IL6R: variants seen among roughly 807,000 people sequenced by gnomAD.
IL6R encodes the protein interleukin 6 receptor, also known as interleukin-6 receptor subunit alpha.
IL6R carries 38 observed loss-of-function variants against 48.3 expected under a neutral mutation model. That is an observed-to-expected ratio of 0.79 (90% CI 0.61 to 1.03). The LOEUF (loss-of-function observed/expected upper bound fraction) is 1.03, where lower values mean the gene tolerates loss of function less well. IL6R is among the 50% of genes least tolerant of loss of function. The probability of loss-of-function intolerance (pLI) is 0.00; values close to 1 mark genes in which losing one functional copy is unlikely to be tolerated. For synonymous variants in IL6R, 264 were observed against 256.2 expected (o/e 1.03, Z -0.29); for missense variants, 534 against 618.3 (o/e 0.86, Z 1.45).
intron 7 of IL6R, among the ~76,000 whole-genome samples, chr1:154,449,114 C>G (rs1690443183): frequency 6.8e-6 from 1 of 146,514 alleles, no homozygotes; most frequent in Non-Finnish European, 1.5e-5. Flanking sequence ...CCAGGATGGT[C>G]TCGATCTCCT....
At chr1:154,417,168 G>T (rs1688402701) in intron 1 of IL6R, among the ~76,000 whole-genome samples, 1 of 152,168 alleles carries the variant, frequency 6.6e-6, no homozygotes, top group Non-Finnish European at 1.5e-5. Flanking sequence ...CTCTGAGACT[G>T]TGCTCAGAGA....
At chr1:154,412,088 C>T (rs1487604215) in intron 1 of IL6R, among the ~76,000 whole-genome samples, 1 of 148,494 alleles carries the variant, frequency 6.7e-6, no homozygotes, top group South Asian at 2.2e-4. Flanking sequence ...GCTGGGACTA[C>T]AGGCATCCGC....
At chr1:154,452,875 A>G (rs1397493039) in intron 8 of IL6R, among the ~76,000 whole-genome samples, 1 of 151,354 alleles carries the variant, frequency 6.6e-6, no homozygotes, top group East Asian at 2.0e-4. Context: ...TAGATACATG[A>G]TAGGCACTCA....
chr1:154,462,203 A>G (rs1691300440), intron 9 of IL6R, among the ~76,000 whole-genome samples: 1 of 152,152 alleles, frequency 6.6e-6, no homozygotes, highest in Non-Finnish European at 1.5e-5. Flanking sequence ...CAGATCAAGA[A>G]CACTTAATAT....
At chr1:154,447,721 G>GTTTTGTTTTGTT (rs1690351928) in intron 6 of IL6R, among the ~76,000 whole-genome samples, 1 of 150,218 alleles carries the variant, frequency 6.7e-6, no homozygotes, top group African/African-American at 2.5e-5. Context: ...GTTTTGTTTT[G>GTTTTGTTTTGTT]TTTTGTTTTT....
At position 154,452,470 on chromosome 1, in the gene IL6R, T is replaced by C. The variant is rs114409105; in HGVS notation, c.1067-2018T>C. On this transcript the variant is annotated intron_variant, in intron 8 of 9. Coordinates refer to ENST00000368485, the MANE Select transcript of IL6R (RefSeq NM_000565.4). Reference sequence around the variant, plus strand: ...CTCTGACATTCACTTTGCCAGCTCCTTCCTATTACTCAAGTCTCTGCTCAG... The same window carrying C: ...CTCTGACATTCACTTTGCCAGCTCCCTCCTATTACTCAAGTCTCTGCTCAG... Among the ~76,000 whole-genome samples the C allele has an allele frequency of 6.4e-3, 978 of 152,296 alleles. 15 individuals carry two copies. Among genetic ancestry groups the C allele is most frequent in the African/African-American group, 0.022 (897 of 41,558 alleles).
intron 9 of IL6R, among the ~76,000 whole-genome samples, chr1:154,457,418 T>C (rs1036199563): frequency 8.6e-5 from 13 of 151,402 alleles, no homozygotes; most frequent in Non-Finnish European, 1.9e-4. Context: ...AAGCAGGACC[T>C]CCTTAGGAAT....
intron 1 of IL6R, among the ~76,000 whole-genome samples, chr1:154,421,742 C>T (rs1688675546): frequency 6.6e-6 from 1 of 151,978 alleles, no homozygotes; most frequent in South Asian, 2.1e-4. Context: ...GCCACAGCCT[C>T]CCAGATAGCT....
At chr1:154,425,236 G>A (rs1454208017) in intron 1 of IL6R, among the ~76,000 whole-genome samples, 1 of 152,056 alleles carries the variant, frequency 6.6e-6, no homozygotes, top group Non-Finnish European at 1.5e-5. Context: ...ACAATATGAG[G>A]GGTGGTCTCC....
intron 8 of IL6R, among the ~76,000 whole-genome samples, chr1:154,450,268 G>A (rs770597320): frequency 2.0e-4 from 30 of 152,178 alleles, no homozygotes; most frequent in South Asian, 4.2e-4. Context: ...TGGGATTACA[G>A]GCGCATGCCA....
In IL6R at chr1:154,467,851, G is replaced by A. The variant is rs551516989; in HGVS notation, c.*2471G>A. On this transcript the variant is annotated 3_prime_UTR_variant, in exon 10 of 10. Coordinates refer to ENST00000368485, the MANE Select transcript of IL6R (RefSeq NM_000565.4). ...GAGAACAGCAAAATGCTGTTAAAGG[G>A]AAATATTAAGAATGAGAATCTGCAG... The A allele has an allele frequency of 2.1e-4, 32 of 152,320 alleles. No homozygotes were observed. Among genetic ancestry groups the A allele is most frequent in the Admixed American group, 1.9e-3 (29 of 15,296 alleles). The allele number at this position is 152,320 out of a possible 1,614,324, so 9.4% of individuals were successfully genotyped here. A position where few individuals can be genotyped will look rare whatever the true frequency, so the allele number is the denominator to read the frequency against.
At chr1:154,458,981 C>T (rs1038740279) in intron 9 of IL6R, among the ~76,000 whole-genome samples, 2 of 151,962 alleles carry the variant, frequency 1.3e-5, no homozygotes, top group Non-Finnish European at 2.9e-5. Context: ...TAAGGGTCAT[C>T]TAGTCAAACT....
Position 154,465,238 on chromosome 1 carries a change from C to G in IL6R, c.1265C>G (p.Pro422Arg). The G allele has an allele frequency of 6.2e-7, 1 of 1,614,218 alleles. No individual in the cohort carries two copies. Among genetic ancestry groups the G allele is most frequent in the Non-Finnish European group, 8.5e-7 (1 of 1,180,042 alleles). The change falls in exon 10 of 10, where the codon CCA becomes CGA. Residue 422 changes from proline (P) to arginine (R), a missense_variant. Coordinates refer to ENST00000368485, the MANE Select transcript of IL6R (RefSeq NM_000565.4). ...GTCCCGGAGAGGCCTCGACCCACCC[C>G]AGTGCTTGTTCCTCTCATCTCCCCA... ...QLVPERPRPT[P>R]VLVPLISPPV...
intron 4 of IL6R, 63 bp downstream of exon 4, chr1:154,434,763 G>T (rs1184759309): frequency 6.0e-6 from 9 of 1,496,590 alleles, no homozygotes; most frequent in Non-Finnish European, 5.5e-6. Flanking sequence ...ACTCCTTATC[G>T]ACTTCTCAGA....
At chr1:154,455,259 C>T (rs1028189660) in intron 9 of IL6R, among the ~76,000 whole-genome samples, 19 of 151,534 alleles carry the variant, frequency 1.3e-4, no homozygotes, top group African/African-American at 4.6e-4. Flanking sequence ...TGGTTGACAG[C>T]GTGTGCATGC....
In IL6R at chr1:154,449,693, G is replaced by C. The variant is rs375104411; in HGVS notation, c.997-218G>C. Among the ~76,000 whole-genome samples, 18 of 152,282 alleles carry C rather than the reference G, an allele frequency of 1.2e-4. 1 individual carries two copies. In the East Asian group the frequency reaches 2.7e-3, roughly 23 times the overall value. ...GCAGCTTTAAGCTTTTGGTGGAGAG[G>C]CAGGTGGAAAGAAAGCCCCACCTTT... On this transcript the variant is annotated intron_variant, in intron 7 of 9. Transcript: ENST00000368485.
At chr1:154,428,953 G>T (rs1014588947) in intron 1 of IL6R, among the ~76,000 whole-genome samples, 2 of 152,154 alleles carry the variant, frequency 1.3e-5, no homozygotes, top group African/African-American at 4.8e-5. Flanking sequence ...CCCTTGAAGG[G>T]TTTTCTAATC....
At chr1:154,434,735 CTT>C (rs1558314145) in intron 4 of IL6R, 35 bp downstream of exon 4, 2 of 1,586,916 alleles carry the variant, frequency 1.3e-6, no homozygotes, top group Admixed American at 3.5e-5. Context: ...CAGCAGTTTC[CTT>C]CTCTTTTGAT....
rs375992381 is a variant in IL6R, at chr1:154,447,442, A to ATAT, written c.950-683_950-682insTAT. ...CAAAAGAGTGAAACTCCATCTCAAA[A>ATAT]AAAAAAAAAAAAATATATATATATA... On this transcript the variant is annotated intron_variant, in intron 6 of 9. Transcript: ENST00000368485. Among the ~76,000 whole-genome samples the ATAT allele has an allele frequency of 5.4e-3, 322 of 60,050 alleles. 15 individuals carry two copies. The highest frequency in any genetic ancestry group is 0.015 in the African/African-American group (164 of 10,954). 39.4% of individuals were successfully genotyped at this position (60,050 alleles called of 152,430 possible). A position where few individuals can be genotyped will look rare whatever the true frequency, so the allele number is the denominator to read the frequency against.
Sources: allele counts gnomAD v4.1 joint callset (sites outside exome capture counted in the v4.1 genomes callset), GRCh38; gene constraint gnomAD v4.1.1; transcripts MANE v1.5; gene names NCBI Gene and HGNC (gene_info 2026-07-23, HGNC 2026-07-21).